The following APBB3 variants were observed in gnomAD, a reference collection of about 807,000 sequenced individuals.
The protein encoded by APBB3 is amyloid beta precursor protein binding family B member 3.
A neutral mutation model predicts 61.5 loss-of-function variants in APBB3; 50 were observed. The observed-to-expected ratio is 0.81, with a 90% CI of 0.65 to 1.03. APBB3 has a LOEUF of 1.03. APBB3 is among the 50% of genes least tolerant of loss of function. The pLI is 0.00. For missense variants in APBB3, 550 were observed against 637.4 expected, an observed-to-expected ratio of 0.86 and a Z score of 1.48; for synonymous variants, 235 against 233.0, an observed-to-expected ratio of 1.01 and a Z score of -0.08.
chr5:140,560,288 C>CCCCCCCA lies in APBB3; in HGVS notation c.1224+24_1224+25insTGGGGGG. ...GAGAGCAGCTGCAGGGCAATCCCACCAACCCATTCCCACCCATGACTCACC... is the reference window on the plus strand; with the variant it reads ...GAGAGCAGCTGCAGGGCAATCCCACCCCCCCCAAACCCATTCCCACCCATGACTCACC... On this transcript the variant is annotated intron_variant, in intron 12 of 12. Coordinates refer to ENST00000357560, the MANE Select transcript of APBB3 (RefSeq NM_133173.3). This position sits in a 1 kb window ranked among gnomAD's most constrained non-coding sequence, Gnocchi z 5.1. 5.0e-6 allele frequency: 8 copies of CCCCCCCA among 1,603,556 alleles called. No individual in the cohort carries two copies. In the African/African-American group the frequency reaches 1.1e-4, roughly 22 times the overall value.
At position 140,560,581 on chromosome 5, in the gene APBB3, A is replaced by G. The variant is rs1754904920; in HGVS notation, c.1032+58T>C. On this transcript the variant is annotated intron_variant, in intron 11 of 12. Transcript: ENST00000357560. This position sits in a 1 kb window ranked among gnomAD's most constrained non-coding sequence, Gnocchi z 5.1. ...TTAACTTTTCCGACAGCAAGCAGTG[A>G]CCCCTCAGCATCCCTGCTCACCCCT... 25 of 1,607,244 alleles carry G rather than the reference A, an allele frequency of 1.6e-5. No homozygotes were observed. The highest frequency in any genetic ancestry group is 2.0e-5 in the Non-Finnish European group (23 of 1,174,908).
chr5:140,564,566 T>C lies in APBB3; in HGVS notation c.-321A>G. Reference sequence around the variant, plus strand: ...ACACCACCGCCCAACTATGAACTCATCAGGCGCCTGAAGACCGACACGCCG... The same window carrying C: ...ACACCACCGCCCAACTATGAACTCACCAGGCGCCTGAAGACCGACACGCCG... On this transcript the variant is annotated 5_prime_UTR_variant, in exon 1 of 13. The change abolishes an upstream ATG in the 5' untranslated region. Transcript: ENST00000357560. This position sits in a 1 kb window ranked among gnomAD's most constrained non-coding sequence, Gnocchi z 5.0. 2.0e-6 allele frequency: 1 copy of C among 501,516 alleles called. No individual in the cohort carries two copies. The highest frequency in any genetic ancestry group is 3.6e-5 in the Admixed American group (1 of 27,858). The allele number at this position is 501,516 out of a possible 1,614,324, so 31.1% of individuals were successfully genotyped here.
intron 3 of APBB3, 97 bp from the exon 4 acceptor site, chr5:140,562,820 A>T: frequency 8.8e-7 from 1 of 1,141,654 alleles, no homozygotes; most frequent in Non-Finnish European, 1.3e-6. Context: ...GAGGGGCAAG[A>T]CCCAGAATAT....
Position 140,558,508 on chromosome 5 carries a change from T to C in APBB3, c.*77A>G, listed in dbSNP as rs1754795986. 1.5e-6 allele frequency: 2 copies of C among 1,375,004 alleles called. No homozygotes were observed. The highest frequency in any genetic ancestry group is 2.3e-5 in the East Asian group (1 of 43,768). The allele number at this position is 1,375,004 out of a possible 1,614,324, so 85.2% of individuals were successfully genotyped here. A position where few individuals can be genotyped will look rare whatever the true frequency, so the allele number is the denominator to read the frequency against. ...GAGAAGGCTTCAAGGAGTGACAGGC[T>C]ATAGGCCTTGAGGAATAAAACGGTA... On this transcript the variant is annotated 3_prime_UTR_variant, in exon 13 of 13. Coordinates refer to ENST00000357560, the MANE Select transcript of APBB3 (RefSeq NM_133173.3).
Position 140,562,187 on chromosome 5 carries a change from C to T in APBB3, c.539G>A (p.Ser180Asn). ...ACTGTGGTCCAGGGGATTCACTAGG[C>T]TCATGGCATCCTTCTTCAGGATCAT... ...MLMILKKDAMSLVNPLDHSLI... is the reference protein window; with the variant it reads ...MLMILKKDAMNLVNPLDHSLI... The change falls in exon 6 of 13, where the codon AGC (serine) becomes AAC (asparagine). Residue 180 changes from serine to asparagine, a missense_variant. Transcript: ENST00000357560. The T allele has an allele frequency of 6.2e-7, 1 of 1,614,174 alleles. No individual in the cohort carries two copies. Among genetic ancestry groups the T allele is most frequent in the South Asian group, 1.1e-5 (1 of 91,084 alleles).
At position 140,561,166 on chromosome 5, in the gene APBB3, A is replaced by G. The variant is rs1754938832; in HGVS notation, c.833-65T>C. On this transcript the variant is annotated intron_variant, in intron 9 of 12. Coordinates refer to ENST00000357560, the MANE Select transcript of APBB3 (RefSeq NM_133173.3). ...ATTACCCTTTTCCCCACCCTTCTCA[A>G]TGGGCCAGGACTCAGGTCAGAGCTG... The G allele has an allele frequency of 2.5e-6, 4 of 1,577,914 alleles. No individual in the cohort carries two copies. The Admixed American group carries it at 6.7e-5, about 26-fold the overall frequency.
In APBB3 at chr5:140,558,624, A is replaced by T. The variant is rs532222938; in HGVS notation, c.1422T>A (p.Asp474Glu). The change falls in exon 13 of 13, where the codon GAT becomes GAA. Residue 474 changes from aspartate to glutamate, a missense_variant. Asp to Glu is a conservative substitution (Grantham distance 45). Around this residue, in one of 3 missense-constraint regions of APBB3, gnomAD observed 138 missense variants for 132.6 expected, o/e 1.04. Transcript: ENST00000357560. ...PRKRGVFSFL[D>E]AFRLKPSLLH... ...GCAGAGAGGGTTTCAGCCGGAAGGC[A>T]TCAAGAAAAGAGAAGACACCCCGCT... 5.6e-5 allele frequency: 90 copies of T among 1,614,204 alleles called. 1 individual carries two copies. The Admixed American group carries it at 9.3e-4, about 17-fold the overall frequency.
rs370370773 is a variant in APBB3 at position 140,562,444 on chromosome 5, G to C, written c.407C>G (p.Pro136Arg). ...WVEVPEEDLA[P>R]GKSSIAVNNC... is the part of the protein sequence containing the mutation. ...ATTGACTGCAATACTGCTCTTCCCC[G>C]GTGCCAGGTCCTCTTCAGGTACCTC... Residue 136 changes from proline (P) to arginine (R), a missense_variant, in exon 5 of 13, where the codon CCG becomes CGG. Pro to Arg is a moderately radical substitution (Grantham distance 103). This residue lies in a region of APBB3 where 405 missense variants were observed against 483.4 expected (regional missense o/e 0.84). Transcript: ENST00000357560. 6.2e-7 allele frequency: 1 copy of C among 1,614,140 alleles called. No individual in the cohort carries two copies. The highest frequency in any genetic ancestry group is 8.5e-7 in the Non-Finnish European group (1 of 1,180,028).
At chr5:140,562,631 AC>A (rs1432090252) in intron 4 of APBB3, 31 bp downstream of exon 4, 1 of 1,612,954 alleles carries the variant, frequency 6.2e-7, no homozygotes. Flanking sequence ...TTCCCTTGGG[AC>A]CTCCCAATGC....
At chr5:140,559,425 C>T (rs1272047024) in intron 12 of APBB3, among the ~76,000 whole-genome samples, 2 of 152,186 alleles carry the variant, frequency 1.3e-5, no homozygotes. Context: ...CTTAAGTGGT[C>T]ATCCTAATCC....
chr5:140,563,745 T>C lies in APBB3; in HGVS notation c.213+7A>G, dbSNP rs1485069400. 5.6e-6 allele frequency: 9 copies of C among 1,613,856 alleles called. No homozygotes were observed. The Admixed American group carries it at 1.3e-4, about 24-fold the overall frequency. On this transcript the variant is annotated splice_region_variant and intron_variant, in intron 2 of 12. Coordinates refer to ENST00000357560, the MANE Select transcript of APBB3 (RefSeq NM_133173.3). ...GGGCTCAGACCTCCTCCTCACACTC[T>C]ACCTACCGTGCCTGGGTCCTCTGCA...
chr5:140,561,955 G>C (rs1473888091), intron 6 of APBB3, 106 bp from the exon 7 acceptor site: 1 of 1,611,396 alleles, frequency 6.2e-7, no homozygotes, highest in Non-Finnish European at 8.5e-7. Context: ...ACCAGGGCTG[G>C]ACCAGGCAGG....
rs746528113 is a variant in APBB3 at position 140,560,275 on chromosome 5, A to T, written c.1224+38T>A. 1.3e-6 allele frequency: 2 copies of T among 1,595,202 alleles called. No homozygotes were observed. The highest frequency in any genetic ancestry group is 3.4e-5 in the Admixed American group (2 of 59,346). On this transcript the variant is annotated intron_variant, in intron 12 of 12. Transcript: ENST00000357560. The surrounding 1 kb of genome is among the most constrained non-coding windows in gnomAD (Gnocchi z 5.1). ...CAAGTAAACAGTGGAGAGCAGCTGC[A>T]GGGCAATCCCACCAACCCATTCCCA... is the stretch of plus-strand genomic sequence containing the variant.
Position 140,562,401 on chromosome 5 carries a change from C to T in APBB3, c.450G>A (p.Leu150=). ...GCTGGCTCCGGCTGCGGGTCTGGGCCAGCTGCTGGATACAGTTATTGACTG... is the reference window on the plus strand; with the variant it reads ...GCTGGCTCCGGCTGCGGGTCTGGGCTAGCTGCTGGATACAGTTATTGACTG... ...SIAVNNCIQQ[L]AQTRSRSQPP... is the part of the protein sequence containing the mutation. Residue 150 remains leucine (L), a synonymous_variant, in exon 5 of 13, where the codon CTG becomes CTA. Coordinates refer to ENST00000357560, the MANE Select transcript of APBB3 (RefSeq NM_133173.3). 6.2e-7 allele frequency: 1 copy of T among 1,614,238 alleles called. No individual in the cohort carries two copies. Among genetic ancestry groups the T allele is most frequent in the Non-Finnish European group, 8.5e-7 (1 of 1,180,050 alleles).
Position 140,562,487 on chromosome 5 carries a change from G to A in APBB3, c.364C>T (p.Arg122Cys), listed in dbSNP as rs200163093. ...GGTACCTCTACCCAGCCCAGAGAGC[G>A]GACTGCAAAGCACTGACAGGTTGGG... ...MEPGAKCFAV[R>C]SLGWVEVPEE... The change falls in exon 5 of 13, where the codon CGC becomes TGC. Residue 122 changes from arginine (R) to cysteine (C), a missense_variant. This residue lies in a region of APBB3 where 405 missense variants were observed against 483.4 expected (regional missense o/e 0.84). Coordinates refer to ENST00000357560, the MANE Select transcript of APBB3 (RefSeq NM_133173.3). 5.8e-5 allele frequency: 93 copies of A among 1,614,076 alleles called. No individual in the cohort carries two copies. The highest frequency in any genetic ancestry group is 1.3e-4 in the Admixed American group (8 of 60,016).
At position 140,560,958 on chromosome 5, in the gene APBB3, C is replaced by T. The variant is rs1754925273; in HGVS notation, c.916+60G>A. 7 of 1,570,620 alleles carry T rather than the reference C, an allele frequency of 4.5e-6. No homozygotes were observed. Among genetic ancestry groups the T allele is most frequent in the South Asian group, 3.3e-5 (3 of 89,570 alleles). On this transcript the variant is annotated intron_variant, in intron 10 of 12. Transcript: ENST00000357560. This position sits in a 1 kb window ranked among gnomAD's most constrained non-coding sequence, Gnocchi z 5.1. ...TCTTGAGAAATGATAACAGGCCTCA[C>T]CTCACTCACCTTCCCCTTGCCTCAC...
At chr5:140,559,386 G>A (rs764637598) in intron 12 of APBB3, among the ~76,000 whole-genome samples, 17 of 151,952 alleles carry the variant, frequency 1.1e-4, no homozygotes, top group African/African-American at 1.9e-4. Context: ...CTCCTATTAC[G>A]TCCTCCAAAT....
Position 140,564,414 on chromosome 5 carries a change from G to T in APBB3, c.-169C>A. 1 of 781,252 alleles carries T rather than the reference G, an allele frequency of 1.3e-6. No individual in the cohort carries two copies. Among genetic ancestry groups the T allele is most frequent in the South Asian group, 1.7e-5 (1 of 58,134 alleles). 48.4% of individuals were successfully genotyped at this position (781,252 alleles called of 1,614,324 possible). A position where few individuals can be genotyped will look rare whatever the true frequency, so the allele number is the denominator to read the frequency against. ...CGGGGCGGGACACGGGCCGGTCCCG[G>T]GGGAGGGCCTGAGCCGCACAGCCCG... is the stretch of plus-strand genomic sequence containing the variant. On this transcript the variant is annotated 5_prime_UTR_variant, in exon 1 of 13. Transcript: ENST00000357560. This position sits in a 1 kb window ranked among gnomAD's most constrained non-coding sequence, Gnocchi z 5.0.
At chr5:140,559,969 G>C (rs1754873348) in intron 12 of APBB3, among the ~76,000 whole-genome samples, 1 of 152,208 alleles carries the variant, frequency 6.6e-6, no homozygotes, top group Admixed American at 6.5e-5. Flanking sequence ...ACAGATGCCA[G>C]GAAATAAACC....
Sources: gnomAD v4.1 joint callset for allele counts (sites outside exome capture counted in the v4.1 genomes callset) on GRCh38, gnomAD v4.1.1 for gene constraint, gnomAD v4.1.1 regional missense constraint, Gnocchi (gnomAD v3.1) non-coding constraint, MANE v1.5 for transcripts, NCBI Gene and HGNC (gene_info 2026-07-23, HGNC 2026-07-21) for gene names.